Variants in PTPN2 observed in about 807,000 individuals in gnomAD.
PTPN2 encodes tyrosine-protein phosphatase non-receptor type 2.
A neutral mutation model predicts 57.3 loss-of-function variants in PTPN2; 19 were observed. That is an observed-to-expected ratio of 0.33 (90% CI 0.23 to 0.49). The LOEUF (loss-of-function observed/expected upper bound fraction) is 0.49. PTPN2 is among the 20% of genes least tolerant of loss of function. PTPN2 has a pLI of 0.99. For synonymous variants in PTPN2, 153 were observed against 164.9 expected, an observed-to-expected ratio of 0.93 and a Z score of 0.55; for missense variants, 358 against 501.1, an observed-to-expected ratio of 0.71 and a Z score of 2.73.
Position 12,814,243 on chromosome 18 carries a change from A to G in PTPN2, c.818T>C (p.Ile273Thr). ...TCCCTTTATACATTTTGCTCCTTCTATTATAGCCATGTATGAGAATCTCAG... is the reference window on the plus strand; with the variant it reads ...TCCCTTTATACATTTTGCTCCTTCTGTTATAGCCATGTATGAGAATCTCAG... ...DQLRFSYMAI[I>T]EGAKCIKGDS... The change falls in exon 7 of 9, where the codon ATA becomes ACA. Residue 273 changes from isoleucine (I) to threonine (T), a missense_variant. Transcript: ENST00000309660. The G allele has an allele frequency of 6.2e-7, 1 of 1,605,614 alleles. No homozygotes were observed. Among genetic ancestry groups the G allele is most frequent in the Non-Finnish European group, 8.5e-7 (1 of 1,174,584 alleles).
chr18:12,821,984 A>C (rs2042284869), intron 5 of PTPN2, among the ~76,000 whole-genome samples: 1 of 152,216 alleles, frequency 6.6e-6, no homozygotes, highest in Admixed American at 6.5e-5. Flanking sequence ...TTCGAAGTTA[A>C]AAACCTCATT....
At chr18:12,816,341 G>C (rs2042073474) in intron 6 of PTPN2, among the ~76,000 whole-genome samples, 1 of 152,036 alleles carries the variant, frequency 6.6e-6, no homozygotes, top group Non-Finnish European at 1.5e-5. Context: ...TGAATACCAG[G>C]ACAAGCTAAA....
chr18:12,874,788 C>T (rs1270969806), intron 1 of PTPN2, among the ~76,000 whole-genome samples: 1 of 152,182 alleles, frequency 6.6e-6, no homozygotes, highest in East Asian at 1.9e-4. Context: ...GCCCGGCCAC[C>T]ACCCTGTCTG....
chr18:12,836,938 GT>G, intron 2 of PTPN2, 47 bp from the exon 3 acceptor site: 1 of 1,138,852 alleles, frequency 8.8e-7, no homozygotes, highest in East Asian at 2.4e-5. Context: ...CAAAATTACT[GT>G]TTTTATCTTC....
chr18:12,831,878 T>G (rs2042681531), intron 3 of PTPN2, among the ~76,000 whole-genome samples: 1 of 152,222 alleles, frequency 6.6e-6, no homozygotes, highest in African/African-American at 2.4e-5. Context: ...AATGATAGCA[T>G]AGGGCAAAAG....
chr18:12,858,748 G>A (rs1461069937), intron 2 of PTPN2, among the ~76,000 whole-genome samples: 2 of 151,764 alleles, frequency 1.3e-5, no homozygotes, highest in East Asian at 1.9e-4. Flanking sequence ...TTTCTACAGC[G>A]AGTACATACT....
intron 8 of PTPN2, among the ~76,000 whole-genome samples, chr18:12,799,544 G>A (rs770985225): frequency 2.0e-5 from 3 of 151,844 alleles, no homozygotes; most frequent in Non-Finnish European, 4.4e-5. Flanking sequence ...AAACTGTTCA[G>A]AGTAACCTTT....
At position 12,794,577 on chromosome 18, in the gene PTPN2, C is replaced by T. The variant is rs1452770037; in HGVS notation, c.1041-92G>A. 7.7e-6 allele frequency: 11 copies of T among 1,434,628 alleles called. No homozygotes were observed. The East Asian group carries it at 2.3e-4, about 31-fold the overall frequency. 88.9% of individuals were successfully genotyped at this position (1,434,628 alleles called of 1,614,324 possible). ...AGGACCTAGGCGCAAATAAAACCAT[C>T]CACATAGTTTTCACCCTATTTGAAC... On this transcript the variant is annotated intron_variant, in intron 8 of 8. Coordinates refer to ENST00000309660, the MANE Select transcript of PTPN2 (RefSeq NM_002828.4).
intron 2 of PTPN2, among the ~76,000 whole-genome samples, chr18:12,847,772 G>A (rs1164422869): frequency 6.6e-6 from 1 of 151,794 alleles, no homozygotes; most frequent in Non-Finnish European, 1.5e-5. Context: ...ACAGATGCCA[G>A]CCACCACGCC....
At chr18:12,841,908 ATT>A (rs35357115) in intron 2 of PTPN2, among the ~76,000 whole-genome samples, 419 of 137,378 alleles carry the variant, frequency 3.0e-3, no homozygotes, top group Middle Eastern at 3.8e-3. Flanking sequence ...GTATCTCACC[ATT>A]TTTTTTTTTT....
At chr18:12,877,099 C>T (rs1214733872) in intron 1 of PTPN2, among the ~76,000 whole-genome samples, 1 of 152,094 alleles carries the variant, frequency 6.6e-6, no homozygotes, top group Non-Finnish European at 1.5e-5. Context: ...GTTTCCTCAG[C>T]CATAAATGAG....
At chr18:12,883,910 G>C (rs1045310857) in intron 1 of PTPN2, 163 bp downstream of exon 1, 7 of 515,164 alleles carry the variant, frequency 1.4e-5, no homozygotes, top group Non-Finnish European at 2.4e-5. Flanking sequence ...GAGCAAGAGA[G>C]CGGTCAGCGC....
At chr18:12,807,586 A>AAAATAT in intron 7 of PTPN2, among the ~76,000 whole-genome samples, 35 of 35,186 alleles carry the variant, frequency 9.9e-4, no homozygotes, top group East Asian at 5.5e-3. Context: ...AAAAAAAAAA[A>AAAATAT]ATATATATAT....
intron 5 of PTPN2, chr18:12,819,246 A>C (rs1038481831): frequency 2.3e-5 from 34 of 1,460,444 alleles, no homozygotes; most frequent in Non-Finnish European, 3.1e-5. Context: ...AGCATTAATA[A>C]TTTCAAATAC....
Position 12,793,909 on chromosome 18 carries a change from T to C in PTPN2, c.*369A>G. The C allele has an allele frequency of 9.2e-7, 1 of 1,087,070 alleles. No individual in the cohort carries two copies. The highest frequency in any genetic ancestry group is 1.1e-6 in the Non-Finnish European group (1 of 893,038). The allele number at this position is 1,087,070 out of a possible 1,614,324, so 67.3% of individuals were successfully genotyped here. On this transcript the variant is annotated 3_prime_UTR_variant, in exon 9 of 9. Transcript: ENST00000309660. ...ACGTAGATAAAACCACAATATTTATTGCTTATATCAAGTGCAGGTTAAAAT... is the reference window on the plus strand; with the variant it reads ...ACGTAGATAAAACCACAATATTTATCGCTTATATCAAGTGCAGGTTAAAAT...
intron 2 of PTPN2, among the ~76,000 whole-genome samples, chr18:12,846,747 C>T (rs2043223263): frequency 6.6e-6 from 1 of 152,220 alleles, no homozygotes; most frequent in African/African-American, 2.4e-5. Context: ...CTCAAGATTT[C>T]CCAGTGGACA....
chr18:12,790,526 A>C (rs113158209), downstream of PTPN2, among the ~76,000 whole-genome samples: 324 of 152,334 alleles, frequency 2.1e-3, 1 homozygote, highest in African/African-American at 7.4e-3. Flanking sequence ...AAGGATGGAG[A>C]AATGCCAGTT....
At chr18:12,831,065 C>A (rs2042651003) in intron 3 of PTPN2, 24 bp from the exon 4 acceptor site, 1 of 1,502,258 alleles carries the variant, frequency 6.7e-7, no homozygotes. Flanking sequence ...GGAGAGAGAG[C>A]AGATGAGGGA....
Position 12,859,150 on chromosome 18 carries a change from C to T in PTPN2, c.160+14G>A. The T allele has an allele frequency of 6.2e-7, 1 of 1,603,408 alleles. No individual in the cohort carries two copies. The highest frequency in any genetic ancestry group is 1.1e-5 in the South Asian group (1 of 90,238). Reference sequence around the variant, plus strand: ...CCAAAAAATACACATGCACACAAACCCACAAGTACTTACATGGGCTTACAT... The same window carrying T: ...CCAAAAAATACACATGCACACAAACTCACAAGTACTTACATGGGCTTACAT... On this transcript the variant is annotated intron_variant, in intron 2 of 8. Transcript: ENST00000309660.
Sources: gnomAD v4.1 joint callset for allele counts (sites outside exome capture counted in the v4.1 genomes callset) on GRCh38, gnomAD v4.1.1 for gene constraint, MANE v1.5 for transcripts, NCBI Gene and HGNC (gene_info 2026-07-23, HGNC 2026-07-21) for gene names.